Variants in SYNE1 observed in about 807,000 individuals in gnomAD.
SYNE1 encodes spectrin repeat containing nuclear envelope protein 1.
SYNE1 carries 616 observed loss-of-function variants against 1,111.0 expected under a neutral mutation model. The ratio of observed to expected loss-of-function variants is 0.55; its 90% CI spans 0.52 to 0.59. SYNE1 has a LOEUF of 0.59. Among genes scored for constraint, SYNE1 ranks in the 20% least tolerant of loss-of-function variants. The probability of loss-of-function intolerance (pLI) is 0.00; values close to 1 mark genes in which losing one functional copy is unlikely to be tolerated. For synonymous variants in SYNE1, 3,855 were observed against 3,825.8 expected (o/e 1.01, Z -0.28); for missense variants, 10,006 against 10,417.0 (o/e 0.96, Z 1.72).
chr6:152,476,211 A>G (rs914169328), intron 14 of SYNE1, among the ~76,000 whole-genome samples: 1 of 152,136 alleles, frequency 6.6e-6, no homozygotes, highest in Non-Finnish European at 1.5e-5. Flanking sequence ...TGCTTACTCC[A>G]CATATCCTCT....
At chr6:152,558,109 T>C (rs1382847095) in intron 3 of SYNE1, among the ~76,000 whole-genome samples, 7 of 152,116 alleles carry the variant, frequency 4.6e-5, no homozygotes, top group Non-Finnish European at 8.8e-5. Context: ...GCAGTCAAAG[T>C]TAAATTGTTA....
Position 152,148,090 on chromosome 6 carries a change from G to C in SYNE1, c.24931C>G (p.Gln8311Glu), listed in dbSNP as rs2059822765. The C allele has an allele frequency of 2.5e-6, 4 of 1,614,038 alleles. No individual in the cohort carries two copies. The highest frequency in any genetic ancestry group is 2.5e-6 in the Non-Finnish European group (3 of 1,180,042). ...RALPSEDEEG[Q>E]DDKDFYLRGA... is the part of the protein sequence containing the mutation. ...CGGAGGTAGAAATCTTTGTCATCCT[G>C]ACCTTCTTCATCCTCAGAGGGCAGA... The change falls in exon 137 of 146, where the codon CAG becomes GAG. Residue 8311 changes from glutamine (Q) to glutamate (E), a missense_variant. Coordinates refer to ENST00000367255, the MANE Select transcript of SYNE1 (RefSeq NM_182961.4). This position sits in a 1 kb window ranked among gnomAD's most constrained non-coding sequence, Gnocchi z 4.1.
chr6:152,237,870 G>A (rs752524377), intron 108 of SYNE1, among the ~76,000 whole-genome samples: 18 of 152,000 alleles, frequency 1.2e-4, no homozygotes, highest in Admixed American at 3.9e-4. Context: ...AGTAATTTAC[G>A]CTGTGGGTCA....
rs763521120 is a variant in SYNE1 at position 152,465,323 on chromosome 6, C to T, written c.1867G>A (p.Ala623Thr). ...TCCTCTAGCCAGGCTTGCAGACTAG[C>T]CACTGTATTGCCATAGCGATCCCAG... ...SNWDRYGNTV[A>T]SLQAWLEDAE... The change falls in exon 18 of 146, where the codon GCT (alanine) becomes ACT (threonine). Residue 623 changes from alanine to threonine, a missense_variant. Around this residue, in one of 7 missense-constraint regions of SYNE1, gnomAD observed 1,971 missense variants for 2,084.1 expected, o/e 0.95. Transcript: ENST00000367255. 3.1e-6 allele frequency: 5 copies of T among 1,613,856 alleles called. No homozygotes were observed. In the South Asian group the frequency reaches 4.4e-5, roughly 14 times the overall value.
chr6:152,595,652 T>G (rs370872259), intron 3 of SYNE1, among the ~76,000 whole-genome samples: 1 of 152,176 alleles, frequency 6.6e-6, no homozygotes, highest in African/African-American at 2.4e-5. Context: ...TTTCCCGAAT[T>G]TGGAAACACT....
intron 4 of SYNE1, among the ~76,000 whole-genome samples, chr6:152,534,542 T>C (rs566715157): frequency 6.6e-6 from 1 of 152,338 alleles, no homozygotes; most frequent in African/African-American, 2.4e-5. Context: ...TGTGCATACA[T>C]TGTGAAATGA....
chr6:152,206,777 C>T (rs1355969781), intron 125 of SYNE1, among the ~76,000 whole-genome samples: 1 of 152,080 alleles, frequency 6.6e-6, no homozygotes, highest in Non-Finnish European at 1.5e-5. Context: ...GCCACCTTCT[C>T]ACAGAGAAAT....
chr6:152,526,376 G>A (rs1005619086), intron 4 of SYNE1, among the ~76,000 whole-genome samples: 2 of 152,138 alleles, frequency 1.3e-5, no homozygotes, highest in Non-Finnish European at 2.9e-5. Flanking sequence ...GATAAAACTC[G>A]ATATTCAAAA....
intron 83 of SYNE1, 43 bp downstream of exon 83, chr6:152,321,678 T>G: frequency 6.2e-7 from 1 of 1,612,412 alleles, no homozygotes; most frequent in South Asian, 1.1e-5. Context: ...GGGCAATTGT[T>G]TTTGAAATGA....
chr6:152,386,879 T>C (rs1434121426), intron 54 of SYNE1, among the ~76,000 whole-genome samples, 193 bp downstream of exon 54: 4 of 152,192 alleles, frequency 2.6e-5, no homozygotes, highest in South Asian at 4.1e-4. Flanking sequence ...TAGGCATTCA[T>C]AGTAAGAAAT....
chr6:152,363,328 AC>A (rs2096974146), intron 63 of SYNE1, among the ~76,000 whole-genome samples: 1 of 148,888 alleles, frequency 6.7e-6, no homozygotes, highest in Non-Finnish European at 1.5e-5. Context: ...CCCCGTCTCT[AC>A]TAAAAATACA....
Position 152,294,144 on chromosome 6 carries a change from C to T in SYNE1, c.17683-17G>A. On this transcript the variant is annotated splice_polypyrimidine_tract_variant and intron_variant, in intron 93 of 145. Transcript: ENST00000367255. Reference sequence around the variant, plus strand: ...TGCAATGTCCTGTGAGTGCAAAGCACAGTATTGAATTAAACAAAAAGACAA... The same window carrying T: ...TGCAATGTCCTGTGAGTGCAAAGCATAGTATTGAATTAAACAAAAAGACAA... 1 of 1,612,614 alleles carries T rather than the reference C, an allele frequency of 6.2e-7. No homozygotes were observed. The highest frequency in any genetic ancestry group is 1.1e-5 in the South Asian group (1 of 91,018).
Position 152,316,902 on chromosome 6 carries a change from T to A in SYNE1, c.16657A>T (p.Thr5553Ser). 1 of 1,614,200 alleles carries A rather than the reference T, an allele frequency of 6.2e-7. No individual in the cohort carries two copies. Among genetic ancestry groups the A allele is most frequent in the Non-Finnish European group, 8.5e-7 (1 of 1,180,024 alleles). ...TGGCTTGCAGAATTCCATGCAATAG[T>A]TCCATGAGCCAAGACTTTAGCTTTT... The part of the protein sequence containing the change: ...IEKAKVLAHG[T>S]IAWNSASQLR... Residue 5553 changes from threonine (T) to serine (S), a missense_variant, in exon 87 of 146, where the codon ACT (threonine) becomes TCT (serine). By Grantham distance (58) the Thr-to-Ser change is moderately conservative. Transcript: ENST00000367255.
rs1332278950 is a variant in SYNE1 at position 152,298,447 on chromosome 6, G to GCT, written c.17682+2192_17682+2193dup. Among the ~76,000 whole-genome samples the GCT allele has an allele frequency of 6.6e-4, 100 of 152,282 alleles. 1 individual carries two copies. The highest frequency in any genetic ancestry group is 7.3e-5 in the Non-Finnish European group (5 of 68,030). On this transcript the variant is annotated intron_variant, in intron 93 of 145. Transcript: ENST00000367255. Reference sequence around the variant, plus strand: ...CCTCGGTATTTCTACCTTCAAGTAAGCTAAACTGTTATTACATTTTAGCTA... The same window carrying GCT: ...CCTCGGTATTTCTACCTTCAAGTAAGCTCTAAACTGTTATTACATTTTAGCTA...
At chr6:152,511,176 G>T in intron 6 of SYNE1, 73 bp from the exon 7 acceptor site, 1 of 1,309,492 alleles carries the variant, frequency 7.6e-7, no homozygotes, top group Non-Finnish European at 1.1e-6. Flanking sequence ...TAACAATTAG[G>T]CCTTTAGTAG....
intron 122 of SYNE1, 130 bp from the exon 123 acceptor site, chr6:152,213,889 TG>T: frequency 7.5e-7 from 1 of 1,340,830 alleles, no homozygotes; most frequent in Non-Finnish European, 1.0e-6. Flanking sequence ...TCATGTCAGG[TG>T]GTAAAATTAT....
chr6:152,236,684 T>C, intron 109 of SYNE1, 133 bp downstream of exon 109: 1 of 1,143,658 alleles, frequency 8.7e-7, no homozygotes, highest in Non-Finnish European at 1.3e-6. Flanking sequence ...ACAGAAACAT[T>C]ATCTCCTTTC....
chr6:152,323,426 G>T lies in SYNE1; in HGVS notation c.15917+52C>A. 1.9e-6 allele frequency: 3 copies of T among 1,599,452 alleles called. No homozygotes were observed. The South Asian group carries it at 3.3e-5, about 18-fold the overall frequency. On this transcript the variant is annotated intron_variant, in intron 82 of 145. Coordinates refer to ENST00000367255, the MANE Select transcript of SYNE1 (RefSeq NM_182961.4). ...TGCACTCCAGCCTGGGCGACAGAGC[G>T]AGACTCCAAACAAACAAACAAACAA... is the stretch of plus-strand genomic sequence containing the variant.
At chr6:152,156,189 C>T in intron 131 of SYNE1, 92 bp from the exon 132 acceptor site, 1 of 1,290,966 alleles carries the variant, frequency 7.7e-7, no homozygotes, top group Non-Finnish European at 1.1e-6. Context: ...GGCTAGGCTA[C>T]ACCTTGACAA....
Sources: gnomAD v4.1 joint callset for allele counts (sites outside exome capture counted in the v4.1 genomes callset) on GRCh38, gnomAD v4.1.1 for gene constraint, gnomAD v4.1.1 regional missense constraint, Gnocchi (gnomAD v3.1) non-coding constraint, MANE v1.5 for transcripts, NCBI Gene and HGNC (gene_info 2026-07-23, HGNC 2026-07-21) for gene names.